KCNQ3: variants seen among roughly 807,000 people sequenced by gnomAD.
The protein encoded by KCNQ3 is potassium voltage-gated channel subfamily KQT member 3.
KCNQ3 carries 30 observed loss-of-function variants against 92.5 expected under a neutral mutation model. The ratio of observed to expected loss-of-function variants is 0.32; its 90% confidence interval spans 0.24 to 0.44. The LOEUF is 0.44. Ranked by LOEUF, KCNQ3 falls within the 20% of genes least tolerant of loss-of-function variation. The pLI, the probability that KCNQ3 is intolerant of heterozygous loss-of-function variation, is 1.00. For synonymous variants in KCNQ3, 450 were observed against 468.8 expected, an observed-to-expected ratio of 0.96 and a Z score of 0.52; for missense variants, 913 against 1,140.3, an observed-to-expected ratio of 0.80 and a Z score of 2.87.
intron 1 of KCNQ3, among the ~76,000 whole-genome samples, chr8:132,244,681 C>T (rs1815103767): frequency 6.6e-6 from 1 of 152,112 alleles, no homozygotes; most frequent in South Asian, 2.1e-4. Context: ...ACATGGGAGA[C>T]TGAGGTCAGG....
chr8:132,139,508 C>T (rs181573730), intron 11 of KCNQ3, among the ~76,000 whole-genome samples: 1 of 152,216 alleles, frequency 6.6e-6, no homozygotes, highest in South Asian at 2.1e-4. Flanking sequence ...TCACTGCTAC[C>T]TTTATGAAGT....
intron 1 of KCNQ3, among the ~76,000 whole-genome samples, chr8:132,277,155 C>T (rs751572181): frequency 4.6e-5 from 7 of 151,994 alleles, no homozygotes; most frequent in Non-Finnish European, 1.0e-4. Flanking sequence ...GTTTTCTATT[C>T]TAAGTTGAAA....
At chr8:132,318,675 T>C (rs1250265402) in intron 1 of KCNQ3, among the ~76,000 whole-genome samples, 1 of 152,158 alleles carries the variant, frequency 6.6e-6, no homozygotes, top group African/African-American at 2.4e-5. Context: ...TTTAGTGTGT[T>C]TGGGGTGCCG....
intron 1 of KCNQ3, among the ~76,000 whole-genome samples, chr8:132,262,159 A>T (rs1173597237): frequency 1.3e-5 from 2 of 152,230 alleles, no homozygotes; most frequent in East Asian, 3.9e-4. Flanking sequence ...ATCTATGCAA[A>T]TGTCCATAAT....
At chr8:132,454,855 G>A (rs1247086337) in intron 1 of KCNQ3, among the ~76,000 whole-genome samples, 2 of 152,194 alleles carry the variant, frequency 1.3e-5, no homozygotes, top group Non-Finnish European at 2.9e-5. Flanking sequence ...CCACTAAAAG[G>A]AAGGAAATTT....
intron 1 of KCNQ3, among the ~76,000 whole-genome samples, chr8:132,425,306 TACAG>T (rs1821079786): frequency 6.6e-6 from 1 of 152,242 alleles, no homozygotes; most frequent in African/African-American, 2.4e-5. Flanking sequence ...CTTTCATCCT[TACAG>T]ACACTCTGTA....
chr8:132,408,878 A>G (rs2130794567), intron 1 of KCNQ3, among the ~76,000 whole-genome samples: 1 of 152,242 alleles, frequency 6.6e-6, no homozygotes, highest in South Asian at 2.1e-4. Flanking sequence ...TCTGCCAACA[A>G]CCAGTGAGCT....
chr8:132,313,571 TATCTA>T (rs1398388362), intron 1 of KCNQ3, among the ~76,000 whole-genome samples: 1 of 152,168 alleles, frequency 6.6e-6, no homozygotes, highest in African/African-American at 2.4e-5. Context: ...TCAAAGTCAT[TATCTA>T]TTCTTGAAAA....
chr8:132,275,581 CTTT>C (rs35090240), intron 1 of KCNQ3, among the ~76,000 whole-genome samples: 9 of 141,454 alleles, frequency 6.4e-5, no homozygotes, highest in Admixed American at 7.0e-5. Context: ...CCAGTGAAAC[CTTT>C]TTTTTTTTTT....
intron 1 of KCNQ3, among the ~76,000 whole-genome samples, chr8:132,329,293 A>G (rs540840929): frequency 6.6e-6 from 1 of 151,558 alleles, no homozygotes; most frequent in Non-Finnish European, 1.5e-5. Context: ...GCCCCCACTC[A>G]CCTCCTCCAC....
intron 1 of KCNQ3, among the ~76,000 whole-genome samples, chr8:132,255,577 A>C (rs554054045): frequency 2.5e-4 from 38 of 152,306 alleles, no homozygotes; most frequent in Middle Eastern, 6.8e-3. Flanking sequence ...AGAGAGCCCT[A>C]AGCTCTCACC....
intron 1 of KCNQ3, among the ~76,000 whole-genome samples, chr8:132,222,679 T>C (rs1243652671): frequency 1.3e-5 from 2 of 152,080 alleles, no homozygotes; most frequent in Admixed American, 6.6e-5. Flanking sequence ...GAACCAGATG[T>C]AGAGGAGCTT....
At chr8:132,382,317 C>T (rs1193468675) in intron 1 of KCNQ3, among the ~76,000 whole-genome samples, 1 of 152,070 alleles carries the variant, frequency 6.6e-6, no homozygotes, top group African/African-American at 2.4e-5. Context: ...GAGTGAGTTC[C>T]CACTCTATCA....
intron 7 of KCNQ3, 58 bp from the exon 8 acceptor site, chr8:132,170,486 G>T: frequency 9.6e-7 from 1 of 1,043,262 alleles, no homozygotes; most frequent in Non-Finnish European, 1.5e-6. Flanking sequence ...CTTTCGCACA[G>T]ACTCCCACAC....
intron 1 of KCNQ3, among the ~76,000 whole-genome samples, chr8:132,203,945 A>C (rs188795245): frequency 6.6e-6 from 1 of 152,224 alleles, no homozygotes; most frequent in African/African-American, 2.4e-5. Flanking sequence ...TTCGTCAAAC[A>C]TATATCTTTG....
intron 3 of KCNQ3, among the ~76,000 whole-genome samples, chr8:132,181,087 C>G (rs372185069): frequency 6.6e-6 from 1 of 152,232 alleles, no homozygotes; most frequent in East Asian, 1.9e-4. Context: ...TAAGGCCCAC[C>G]CATGACATGG....
At chr8:132,181,293 A>T (rs1021531741) in intron 3 of KCNQ3, among the ~76,000 whole-genome samples, 4 of 152,206 alleles carry the variant, frequency 2.6e-5, no homozygotes, top group Admixed American at 2.0e-4. Flanking sequence ...ACTTTCCTGC[A>T]GAGTTACCAA....
chr8:132,181,970 A>G (rs1299843047), intron 3 of KCNQ3, among the ~76,000 whole-genome samples: 2 of 151,010 alleles, frequency 1.3e-5, no homozygotes, highest in African/African-American at 2.4e-5. Context: ...GCGTGAACCC[A>G]GGAGGTGGAG....
At chr8:132,417,379 T>A (rs1465108637) in intron 1 of KCNQ3, among the ~76,000 whole-genome samples, 2 of 152,124 alleles carry the variant, frequency 1.3e-5, no homozygotes, top group Non-Finnish European at 2.9e-5. Context: ...CTCCTGACTC[T>A]GACCCACCCA....
Sources: gnomAD v4.1 joint callset for allele counts (sites outside exome capture counted in the v4.1 genomes callset) on GRCh38, gnomAD v4.1.1 for gene constraint, MANE v1.5 for transcripts, NCBI Gene and HGNC (gene_info 2026-07-23, HGNC 2026-07-21) for gene names.